AGO3: variants seen among roughly 807,000 people sequenced by gnomAD.
The protein encoded by AGO3 is argonaute RISC catalytic component 3.
Under a neutral mutation model 105.5 loss-of-function variants are expected in AGO3, and 16 were observed. The observed-to-expected ratio is 0.15, with a 90% CI of 0.10 to 0.23. The LOEUF (loss-of-function observed/expected upper bound fraction) is 0.23. Ranked by LOEUF, AGO3 falls within the 10% of genes least tolerant of loss-of-function variation. The pLI is 1.00. For missense variants in AGO3, 534 were observed against 1,088.0 expected, an observed-to-expected ratio of 0.49 and a Z score of 7.16; for synonymous variants, 340 against 367.3, an observed-to-expected ratio of 0.93 and a Z score of 0.85.
At chr1:35,977,951 C>G (rs931902522) in intron 5 of AGO3, among the ~76,000 whole-genome samples, 2 of 152,088 alleles carry the variant, frequency 1.3e-5, no homozygotes, top group Admixed American at 6.5e-5. Flanking sequence ...TGATTAAGAA[C>G]AAAGTATAGT....
Position 36,020,545 on chromosome 1 carries a change from C to A in AGO3, c.1406+6497C>A, listed in dbSNP as rs1028876494. ...AGGTCCATTTCATCTTTTCCATTAA[C>A]CTCCTTGAAGACAAAATAGGATTTT... On this transcript the variant is annotated intron_variant, in intron 11 of 18. Transcript: ENST00000373191. 2.6e-5 allele frequency among the ~76,000 whole-genome samples: 4 copies of A among 152,266 alleles called. No homozygotes were observed. In the South Asian group the frequency reaches 8.3e-4, roughly 32 times the overall value.
intron 12 of AGO3, among the ~76,000 whole-genome samples, chr1:36,028,408 A>T (rs1490113820): frequency 4.0e-5 from 1 of 24,832 alleles, no homozygotes; most frequent in Non-Finnish European, 7.8e-5. Flanking sequence ...CCCCCACCCC[A>T]CAACAGTCCC....
chr1:36,047,499 T>A (rs1025367987), intron 17 of AGO3, among the ~76,000 whole-genome samples: 4 of 151,672 alleles, frequency 2.6e-5, no homozygotes, highest in African/African-American at 9.7e-5. Flanking sequence ...CTCTGAGACT[T>A]ATGAAACACC....
intron 1 of AGO3, among the ~76,000 whole-genome samples, chr1:35,942,554 T>G (rs1015523315): frequency 6.6e-6 from 1 of 152,180 alleles, no homozygotes; most frequent in Non-Finnish European, 1.5e-5. Context: ...GTATTTTAAA[T>G]TGTGGATTTA....
chr1:36,029,533 T>TA (rs1641669733), intron 12 of AGO3, among the ~76,000 whole-genome samples: 2 of 151,730 alleles, frequency 1.3e-5, no homozygotes, highest in Non-Finnish European at 2.9e-5. Flanking sequence ...TAGCTGGGAC[T>TA]ACAAGCACCT....
rs1295618675 is a variant in AGO3, at chr1:36,003,709, A to AAAAAT, written c.659-631_659-630insAAATA. On this transcript the variant is annotated intron_variant, in intron 5 of 18. Coordinates refer to ENST00000373191, the MANE Select transcript of AGO3 (RefSeq NM_024852.4). ...AAGTCTGTCTCAAAAAAAAAAAAAA[A>AAAAAT]ATATATATATATATATATATATATA... Among the ~76,000 whole-genome samples the AAAAAT allele has an allele frequency of 2.4e-3, 237 of 99,406 alleles. 1 individual carries two copies. Among genetic ancestry groups the AAAAAT allele is most frequent in the Non-Finnish European group, 2.9e-3 (148 of 51,778 alleles). 65.2% of individuals were successfully genotyped at this position (99,406 alleles called of 152,430 possible).
intron 13 of AGO3, among the ~76,000 whole-genome samples, chr1:36,035,573 T>C (rs909857951): frequency 6.6e-6 from 1 of 152,202 alleles, no homozygotes; most frequent in Non-Finnish European, 1.5e-5. Flanking sequence ...AGAGATTACA[T>C]AGGTTTAAAA....
chr1:36,053,772 G>GCC (rs1225794455), intron 17 of AGO3, among the ~76,000 whole-genome samples: 1 of 87,802 alleles, frequency 1.1e-5, no homozygotes, highest in African/African-American at 4.4e-5. Context: ...TTTTTTTTGA[G>GCC]ACAGTCTCGC....
chr1:35,984,805 A>G (rs1647132161), intron 5 of AGO3, among the ~76,000 whole-genome samples: 2 of 152,184 alleles, frequency 1.3e-5, no homozygotes, highest in Non-Finnish European at 2.9e-5. Context: ...TTAGAGAAAT[A>G]TTTGTAGTAG....
At chr1:36,009,690 A>G (rs2148814819) in intron 9 of AGO3, 96 bp downstream of exon 9, 1 of 1,231,824 alleles carries the variant, frequency 8.1e-7, no homozygotes, top group Non-Finnish European at 1.1e-6. Context: ...CCTTATGACC[A>G]TTTCATGGAC....
At chr1:35,958,332 G>A (rs975781373) in intron 2 of AGO3, among the ~76,000 whole-genome samples, 9 of 150,612 alleles carry the variant, frequency 6.0e-5, no homozygotes, top group Admixed American at 4.6e-4. Flanking sequence ...AGTGAGCCGA[G>A]ATCACACCAC....
chr1:36,009,490 G>T lies in AGO3; in HGVS notation c.1045G>T (p.Ala349Ser). 6.2e-7 allele frequency: 1 copy of T among 1,613,016 alleles called. No individual in the cohort carries two copies. The highest frequency in any genetic ancestry group is 8.5e-7 in the Non-Finnish European group (1 of 1,179,610). The change falls in exon 9 of 19, where the codon GCA becomes TCA. Residue 349 changes from alanine to serine, a missense_variant. Physicochemically the swap from Ala to Ser is moderately conservative, Grantham distance 99. Coordinates refer to ENST00000373191, the MANE Select transcript of AGO3 (RefSeq NM_024852.4). ...YLPLEVCNIV[A>S]GQRCIKKLTD... ...CCATTTGTAGGTCTGTAATATTGTG[G>T]CAGGGCAACGATGTATCAAGAAGCT...
chr1:36,009,401 A>T (rs1640484722), intron 8 of AGO3, 74 bp from the exon 9 acceptor site: 7 of 1,465,386 alleles, frequency 4.8e-6, no homozygotes, highest in Admixed American at 2.3e-5. Flanking sequence ...TTTTATTTAC[A>T]TGTAATTGGC....
chr1:36,010,323 G>T (rs1423503618), intron 9 of AGO3, among the ~76,000 whole-genome samples: 2 of 152,052 alleles, frequency 1.3e-5, no homozygotes, highest in African/African-American at 4.8e-5. Context: ...TAAAGAAATG[G>T]CTGGGCTCAG....
At chr1:36,034,006 A>G (rs1457199872) in intron 12 of AGO3, among the ~76,000 whole-genome samples, 168 bp from the exon 13 acceptor site, 3 of 152,260 alleles carry the variant, frequency 2.0e-5, no homozygotes, top group Admixed American at 1.3e-4. Context: ...TCAAAGCAGT[A>G]TACTTTCAAT....
chr1:36,016,354 G>A (rs1640902792), intron 11 of AGO3, among the ~76,000 whole-genome samples: 1 of 152,022 alleles, frequency 6.6e-6, no homozygotes. Flanking sequence ...GCTAATTTTT[G>A]TATTTTTAGT....
At chr1:35,948,416 T>C (rs1646408263) in intron 2 of AGO3, among the ~76,000 whole-genome samples, 1 of 151,862 alleles carries the variant, frequency 6.6e-6, no homozygotes, top group Non-Finnish European at 1.5e-5. Flanking sequence ...ACTGGGTTTC[T>C]CCATGTTGGC....
chr1:36,051,353 A>G (rs1420448634), intron 17 of AGO3, among the ~76,000 whole-genome samples: 1 of 152,214 alleles, frequency 6.6e-6, no homozygotes, highest in Non-Finnish European at 1.5e-5. Flanking sequence ...TAGAAATACA[A>G]CATTCCAAAC....
In AGO3 at chr1:36,032,626, C is replaced by T. The variant is rs186712410; in HGVS notation, c.1592-1548C>T. On this transcript the variant is annotated intron_variant, in intron 12 of 18. Coordinates refer to ENST00000373191, the MANE Select transcript of AGO3 (RefSeq NM_024852.4). ...CTCTAACTCCTGGGCTCAAGCAATC[C>T]GCCTCAGCCTACCAAAGTGCTGGGA... Among the ~76,000 whole-genome samples the T allele has an allele frequency of 2.0e-4, 30 of 152,274 alleles. No homozygotes were observed. The East Asian group carries it at 3.7e-3, about 19-fold the overall frequency.
Sources: gnomAD v4.1 joint callset for allele counts (sites outside exome capture counted in the v4.1 genomes callset) on GRCh38, gnomAD v4.1.1 for gene constraint, MANE v1.5 for transcripts, NCBI Gene and HGNC (gene_info 2026-07-23, HGNC 2026-07-21) for gene names.